TOX4: variants seen among roughly 807,000 people sequenced by gnomAD.
TOX4 encodes epidermal Langerhans cell protein LCP1.
A neutral mutation model predicts 61.0 loss-of-function variants in TOX4; 12 were observed. That is an observed-to-expected ratio of 0.20 (90% CI 0.13 to 0.32). TOX4 has a LOEUF of 0.32. Ranked by LOEUF, TOX4 falls within the 10% of genes least tolerant of loss-of-function variation. TOX4 has a pLI of 1.00. For synonymous variants in TOX4, 268 were observed against 274.8 expected (o/e 0.98, Z 0.24); for missense variants, 499 against 753.3 (o/e 0.66, Z 3.95).
chr14:21,499,017 C>A lies in TOX4; in HGVS notation c.*2411C>A. 6.2e-7 allele frequency: 1 copy of A among 1,600,256 alleles called. No homozygotes were observed. The highest frequency in any genetic ancestry group is 1.1e-5 in the South Asian group (1 of 90,772). ...CTTGAGGACTAGCCTGTTCTCTGGT[C>A]ACCTTACCAGTTGGGTTGCACATTG... On this transcript the variant is annotated 3_prime_UTR_variant, in exon 9 of 9. Coordinates refer to ENST00000448790, the MANE Select transcript of TOX4 (RefSeq NM_014828.4).
chr14:21,483,891 T>TC, intron 2 of TOX4, among the ~76,000 whole-genome samples: 1 of 152,028 alleles, frequency 6.6e-6, no homozygotes, highest in Admixed American at 6.6e-5. Context: ...CACTGCAGCC[T>TC]TCAACTCCTG....
At position 21,488,891 on chromosome 14, in the gene TOX4, CTG is replaced by C. The variant is rs766962811; in HGVS notation, c.579+42_579+43del. 2.2e-4 allele frequency: 358 copies of C among 1,604,092 alleles called. 1 individual carries two copies. Among genetic ancestry groups the C allele is most frequent in the Non-Finnish European group, 2.5e-4 (288 of 1,173,464 alleles). The stretch of plus-strand genomic sequence containing the variant: ...TCAAAATCAATTCTGCTGTGATAGT[CTG>C]GGATAAAATTTTTGGGATACAGAGC... On this transcript the variant is annotated intron_variant, in intron 4 of 8. Coordinates refer to ENST00000448790, the MANE Select transcript of TOX4 (RefSeq NM_014828.4).
At position 21,478,843 on chromosome 14, in the gene TOX4, G is replaced by A. The variant is rs1406783090; in HGVS notation, c.75+1279G>A. Among the ~76,000 whole-genome samples the A allele has an allele frequency of 7.3e-5, 11 of 151,060 alleles. 1 individual carries two copies. Among genetic ancestry groups the A allele is most frequent in the African/African-American group, 2.7e-4 (11 of 40,994 alleles). ...TTTTTTTTGAGACAGTCTCCCTGTA[G>A]CCCAGGCTGGAGTGCAGTAGCACGA... On this transcript the variant is annotated intron_variant, in intron 2 of 8. Transcript: ENST00000448790.
In TOX4 at chr14:21,497,937, C is replaced by T. The variant is rs1891446867; in HGVS notation, c.*1331C>T. Reference sequence around the variant, plus strand: ...GGCTACAGTTACCCTCCTACCTCGGCTTCCCAAAGTGCTCGGATTACAGGT... The same window carrying T: ...GGCTACAGTTACCCTCCTACCTCGGTTTCCCAAAGTGCTCGGATTACAGGT... On this transcript the variant is annotated 3_prime_UTR_variant, in exon 9 of 9. Transcript: ENST00000448790. 4.4e-6 allele frequency: 1 copy of T among 228,176 alleles called. No homozygotes were observed. 14.1% of individuals were successfully genotyped at this position (228,176 alleles called of 1,614,324 possible). A position where few individuals can be genotyped will look rare whatever the true frequency, so the allele number is the denominator to read the frequency against.
rs758048260 is a variant in TOX4 at position 21,487,710 on chromosome 14, T to C, written c.318+17T>C. 4.4e-6 allele frequency: 7 copies of C among 1,601,264 alleles called. No individual in the cohort carries two copies. Among genetic ancestry groups the C allele is most frequent in the Non-Finnish European group, 6.0e-6 (7 of 1,170,786 alleles). ...TTGACCATGGTAAGGGGCAAGACAT[T>C]GTCAGGCTTACCCCAGCTAATGGGC... On this transcript the variant is annotated intron_variant, in intron 3 of 8. Transcript: ENST00000448790.
rs1447713014 is a variant in TOX4, at chr14:21,498,270, A to AG, written c.*1666dup. 1 of 1,583,730 alleles carries AG rather than the reference A, an allele frequency of 6.3e-7. No homozygotes were observed. The highest frequency in any genetic ancestry group is 1.1e-5 in the South Asian group (1 of 90,464). Reference sequence around the variant, plus strand: ...TAAGGAAGTGCTTCTATAAATTCTTAGGTTTAGAGATGATACCATCTGGGT... The same window carrying AG: ...TAAGGAAGTGCTTCTATAAATTCTTAGGGTTTAGAGATGATACCATCTGGGT... On this transcript the variant is annotated 3_prime_UTR_variant, in exon 9 of 9. Transcript: ENST00000448790.
At chr14:21,489,459 A>C in intron 5 of TOX4, 56 bp downstream of exon 5, 1 of 1,482,758 alleles carries the variant, frequency 6.7e-7, no homozygotes, top group Non-Finnish European at 9.2e-7. Context: ...TAAAGAGATA[A>C]AAATTGAGGT....
rs1441349853 is a variant in TOX4 at position 21,489,409 on chromosome 14, C to G, written c.810+6C>G. 1 of 1,607,456 alleles carries G rather than the reference C, an allele frequency of 6.2e-7. No homozygotes were observed. Among genetic ancestry groups the G allele is most frequent in the South Asian group, 1.1e-5 (1 of 89,580 alleles). On this transcript the variant is annotated splice_donor_region_variant and intron_variant, in intron 5 of 8. Transcript: ENST00000448790. ...TTGGAGAGGAGCAAAAACAGGTGAG[C>G]AAATATTGAGGAACTAGTAGTGAAT...
intron 7 of TOX4, among the ~76,000 whole-genome samples, chr14:21,494,862 T>A (rs993690156): frequency 6.6e-6 from 1 of 151,778 alleles, no homozygotes; most frequent in Non-Finnish European, 1.5e-5. Context: ...GAGGTTGCAG[T>A]GAGCTGAGAT....
intron 2 of TOX4, among the ~76,000 whole-genome samples, chr14:21,485,578 C>CAA (rs763582201): frequency 1.5e-4 from 12 of 79,036 alleles, no homozygotes; most frequent in Non-Finnish European, 1.9e-4. Flanking sequence ...GACTCTATCT[C>CAA]AAAAAAAAAA....
In TOX4 at chr14:21,491,626, G is replaced by A. The variant is rs190743870; in HGVS notation, c.811-670G>A. On this transcript the variant is annotated intron_variant, in intron 5 of 8. Transcript: ENST00000448790. The stretch of plus-strand genomic sequence containing the variant: ...GATCTGGCCACCTTGGCCTCCCAAA[G>A]TGCTGGGATTACAGGCGTGAGCCAC... 3.4e-3 allele frequency among the ~76,000 whole-genome samples: 515 copies of A among 151,196 alleles called. 1 individual carries two copies. Among genetic ancestry groups the A allele is most frequent in the Middle Eastern group, 0.017 (5 of 292 alleles).
intron 2 of TOX4, among the ~76,000 whole-genome samples, chr14:21,483,797 GTTAT>G (rs1891149374): frequency 8.5e-6 from 1 of 117,624 alleles, no homozygotes; most frequent in South Asian, 2.8e-4. Context: ...GGTATTTTTT[GTTAT>G]TTGTGTGTGT....
In TOX4 at chr14:21,479,738, T is replaced by G. The variant is rs557505297; in HGVS notation, c.75+2174T>G. On this transcript the variant is annotated intron_variant, in intron 2 of 8. Transcript: ENST00000448790. ...TAAGTGAGATCTTCATTTTTAAATT[T>G]CATTATTTGAGTGTTGCAAATCTCA... Among the ~76,000 whole-genome samples the G allele has an allele frequency of 3.3e-5, 5 of 152,344 alleles. No homozygotes were observed. The South Asian group carries it at 1.0e-3, about 32-fold the overall frequency.
chr14:21,495,546 AAGAGCTTAC>A (rs1313170382), intron 8 of TOX4, 154 bp downstream of exon 8: 4 of 818,466 alleles, frequency 4.9e-6, no homozygotes, highest in Non-Finnish European at 7.3e-6. Context: ...TCCCCTGCTT[AAGAGCTTAC>A]ATTTGCCACA....
Position 21,488,930 on chromosome 14 carries a change from T to C in TOX4, c.579+80T>C, listed in dbSNP as rs1336137081. 5.1e-6 allele frequency: 8 copies of C among 1,559,242 alleles called. No individual in the cohort carries two copies. The Admixed American group carries it at 1.2e-4, about 24-fold the overall frequency. On this transcript the variant is annotated intron_variant, in intron 4 of 8. Transcript: ENST00000448790. ...TTGGGATACAGAGCCTAATCAGTAT[T>C]CTTTACCCTTGCCGTGCCATCTCCT...
chr14:21,493,399 GC>G (rs1336060071), intron 7 of TOX4, 142 bp downstream of exon 7: 1 of 788,724 alleles, frequency 1.3e-6, no homozygotes, highest in Non-Finnish European at 1.8e-6. Flanking sequence ...GGAGTTCCTT[GC>G]AGCAGTTGAC....
chr14:21,492,566 C>T lies in TOX4; in HGVS notation c.950C>T (p.Pro317Leu). 6.2e-7 allele frequency: 1 copy of T among 1,613,964 alleles called. No individual in the cohort carries two copies. Among genetic ancestry groups the T allele is most frequent in the African/African-American group, 1.3e-5 (1 of 75,018 alleles). The change falls in exon 7 of 9, where the codon CCT becomes CTT. Residue 317 changes from proline (P) to leucine (L), a missense_variant. Physicochemically the swap from Pro to Leu is moderately conservative, Grantham distance 98. Around this residue, in one of 7 missense-constraint regions of TOX4, gnomAD observed 296 missense variants for 404.7 expected, o/e 0.73. Transcript: ENST00000448790. ...CCACCATCACAAACTCCTTCTCCACCTCCTATGGCTACTGTTGACCCAGCA... is the reference window on the plus strand; with the variant it reads ...CCACCATCACAAACTCCTTCTCCACTTCCTATGGCTACTGTTGACCCAGCA... ...PAPPSQTPSP[P>L]PMATVDPASP...
chr14:21,480,799 A>G (rs2139617634), intron 2 of TOX4, among the ~76,000 whole-genome samples: 1 of 152,326 alleles, frequency 6.6e-6, no homozygotes, highest in African/African-American at 2.4e-5. Context: ...CCAGTTTAAA[A>G]GGAAGCAAAG....
chr14:21,482,169 T>C (rs1891117593), intron 2 of TOX4, among the ~76,000 whole-genome samples: 1 of 152,216 alleles, frequency 6.6e-6, no homozygotes, highest in Non-Finnish European at 1.5e-5. Context: ...CTTTTTCAGG[T>C]TGGCTCTAAT....
Sources: allele counts gnomAD v4.1 joint callset (sites outside exome capture counted in the v4.1 genomes callset), GRCh38; gene constraint gnomAD v4.1.1; regional missense constraint gnomAD v4.1.1; transcripts MANE v1.5; gene names NCBI Gene and HGNC (gene_info 2026-07-23, HGNC 2026-07-21).